Variants in STXBP5L observed in about 807,000 individuals in gnomAD.
STXBP5L encodes syntaxin-binding protein 5-like.
A neutral mutation model predicts 144.5 loss-of-function variants in STXBP5L; 65 were observed. That is an observed-to-expected ratio of 0.45 (90% CI 0.37 to 0.55). STXBP5L has a LOEUF of 0.55. Ranked by LOEUF, STXBP5L falls within the 20% of genes least tolerant of loss-of-function variation. The probability of loss-of-function intolerance (pLI) is 0.00; values close to 1 mark genes in which losing one functional copy is unlikely to be tolerated. For missense variants in STXBP5L, 1,298 were observed against 1,405.5 expected (o/e 0.92, Z 1.22); for synonymous variants, 505 against 469.6 (o/e 1.08, Z -0.97).
At chr3:121,108,141 G>A (rs1004706163) in intron 5 of STXBP5L, among the ~76,000 whole-genome samples, 1 of 151,980 alleles carries the variant, frequency 6.6e-6, no homozygotes, top group Non-Finnish European at 1.5e-5. Flanking sequence ...CTATATGTAC[G>A]ATTATGTTAT....
intron 3 of STXBP5L, among the ~76,000 whole-genome samples, chr3:120,977,217 A>C (rs1287233158): frequency 1.3e-5 from 2 of 152,282 alleles, no homozygotes; most frequent in East Asian, 3.9e-4. Context: ...TGCTTCATGA[A>C]TCTGGGTGCT....
chr3:121,187,444 A>T (rs944537862), intron 9 of STXBP5L, among the ~76,000 whole-genome samples: 2 of 151,502 alleles, frequency 1.3e-5, no homozygotes, highest in African/African-American at 2.4e-5. Context: ...GCATTAGGAG[A>T]TACACCTAAT....
rs3072494 is a variant in STXBP5L, at chr3:121,213,670, T to TTTG, written c.956+7683_956+7685dup. 4.6e-3 allele frequency among the ~76,000 whole-genome samples: 692 copies of TTTG among 151,542 alleles called. 4 individuals carry two copies. Among genetic ancestry groups the TTTG allele is most frequent in the South Asian group, 9.8e-3 (47 of 4,818 alleles). On this transcript the variant is annotated intron_variant, in intron 10 of 26. Transcript: ENST00000471454. Reference sequence around the variant, plus strand: ...TTCATCAGGGATATTGGCCTGAAATTTTGTTGTTGTTGTTGTGTCTCTGCC... The same window carrying TTTG: ...TTCATCAGGGATATTGGCCTGAAATTTTGTTGTTGTTGTTGTTGTGTCTCTGCC...
chr3:121,307,739 AGAAG>A (rs1321971267), intron 19 of STXBP5L, among the ~76,000 whole-genome samples: 6 of 152,134 alleles, frequency 3.9e-5, no homozygotes, highest in African/African-American at 1.4e-4. Context: ...GGAGAGTTAG[AGAAG>A]AAAGGAGAAA....
At chr3:121,086,478 A>T (rs1197787546) in intron 5 of STXBP5L, among the ~76,000 whole-genome samples, 3 of 152,136 alleles carry the variant, frequency 2.0e-5, no homozygotes, top group Non-Finnish European at 2.9e-5. Context: ...ATATTTAGAT[A>T]CACAAATGTT....
At chr3:120,929,419 A>G (rs1709806010) in intron 2 of STXBP5L, among the ~76,000 whole-genome samples, 1 of 152,020 alleles carries the variant, frequency 6.6e-6, no homozygotes, top group Non-Finnish European at 1.5e-5. Context: ...AGAATTTTAC[A>G]TCCTATTTTT....
intron 22 of STXBP5L, among the ~76,000 whole-genome samples, chr3:121,387,583 A>C (rs973988227): frequency 9.2e-5 from 14 of 152,288 alleles, no homozygotes; most frequent in South Asian, 6.2e-4. Context: ...ATTTTTGTTT[A>C]AGGTGTAAGG....
intron 5 of STXBP5L, chr3:121,099,339 C>T (rs1483170352): frequency 6.6e-6 from 1 of 152,166 alleles, no homozygotes; most frequent in African/African-American, 2.4e-5. Context: ...ACTGCAAGCA[C>T]CTGGGCTCAG....
At position 121,257,345 on chromosome 3, in the gene STXBP5L, T is replaced by C. The variant is rs751817285; in HGVS notation, c.1832+12T>C. 4 of 1,582,704 alleles carry C rather than the reference T, an allele frequency of 2.5e-6. 1 individual carries two copies. The highest frequency in any genetic ancestry group is 2.3e-5 in the South Asian group (2 of 86,082). Reference sequence around the variant, plus strand: ...ATTCCATGCCTCAAGTAAGAGTTTCTACCAAATTTTCAAACAATTTTAGAT... The same window carrying C: ...ATTCCATGCCTCAAGTAAGAGTTTCCACCAAATTTTCAAACAATTTTAGAT... On this transcript the variant is annotated intron_variant, in intron 17 of 26. Coordinates refer to ENST00000471454, the MANE Select transcript of STXBP5L (RefSeq NM_001308330.2).
intron 22 of STXBP5L, among the ~76,000 whole-genome samples, chr3:121,383,666 T>A (rs1386183468): frequency 6.6e-6 from 1 of 152,118 alleles, no homozygotes; most frequent in Non-Finnish European, 1.5e-5. Context: ...CCATAATTTA[T>A]GGCAGTAAAA....
chr3:121,308,359 T>G (rs1014940289), intron 19 of STXBP5L, among the ~76,000 whole-genome samples: 2 of 152,174 alleles, frequency 1.3e-5, no homozygotes, highest in African/African-American at 4.8e-5. Flanking sequence ...CTGAGAGAAT[T>G]TATTACTAGC....
At chr3:120,992,173 T>C (rs1424188540) in intron 3 of STXBP5L, among the ~76,000 whole-genome samples, 1 of 152,100 alleles carries the variant, frequency 6.6e-6, no homozygotes, top group African/African-American at 2.4e-5. Context: ...TTAGATTGAT[T>C]CTTAATATTT....
At chr3:121,178,683 A>C (rs1190534379) in intron 9 of STXBP5L, among the ~76,000 whole-genome samples, 1 of 152,162 alleles carries the variant, frequency 6.6e-6, no homozygotes, top group Non-Finnish European at 1.5e-5. Flanking sequence ...AGAAGGCTTT[A>C]ACCTTACCTG....
At chr3:121,150,701 A>C (rs2045901329) in intron 7 of STXBP5L, among the ~76,000 whole-genome samples, 2 of 152,076 alleles carry the variant, frequency 1.3e-5, no homozygotes, top group Admixed American at 1.3e-4. Flanking sequence ...TATATTATTC[A>C]TTTTATTGCT....
At chr3:121,317,279 A>C (rs1009345486) in intron 19 of STXBP5L, among the ~76,000 whole-genome samples, 3 of 152,226 alleles carry the variant, frequency 2.0e-5, no homozygotes, top group African/African-American at 7.2e-5. Flanking sequence ...TAAGCAATTG[A>C]AATATGAGTG....
chr3:121,221,308 G>A (rs2048966430), intron 10 of STXBP5L, among the ~76,000 whole-genome samples: 2 of 151,914 alleles, frequency 1.3e-5, no homozygotes, highest in South Asian at 4.1e-4. Flanking sequence ...TTCAATATTA[G>A]AGAGGACATA....
rs577271327 is a variant in STXBP5L, at chr3:120,965,927, A to G, written c.287+10890A>G. On this transcript the variant is annotated intron_variant, in intron 3 of 26. Transcript: ENST00000471454. ...TTCAGATACACCAATCAAATGTAGAATTGGTCTCTTCACATAGTCCCATAT... is the reference window on the plus strand; with the variant it reads ...TTCAGATACACCAATCAAATGTAGAGTTGGTCTCTTCACATAGTCCCATAT... 3.3e-5 allele frequency among the ~76,000 whole-genome samples: 5 copies of G among 152,198 alleles called. No homozygotes were observed. In the South Asian group the frequency reaches 1.0e-3, roughly 32 times the overall value.
At chr3:121,124,992 ACATGTAT>A (rs1229576646) in intron 7 of STXBP5L, among the ~76,000 whole-genome samples, 6 of 152,184 alleles carry the variant, frequency 3.9e-5, no homozygotes, top group Non-Finnish European at 2.9e-5. Context: ...AATGCTTTCT[ACATGTAT>A]CAAGATTATT....
At chr3:121,069,199 C>T (rs1015022579) in intron 5 of STXBP5L, among the ~76,000 whole-genome samples, 1 of 152,112 alleles carries the variant, frequency 6.6e-6, no homozygotes, top group Non-Finnish European at 1.5e-5. Context: ...CTAATCTGCT[C>T]TCCATATTTA....
Sources: gnomAD v4.1 joint callset for allele counts (sites outside exome capture counted in the v4.1 genomes callset) on GRCh38, gnomAD v4.1.1 for gene constraint, MANE v1.5 for transcripts, NCBI Gene and HGNC (gene_info 2026-07-23, HGNC 2026-07-21) for gene names.